Variants in NAXD observed in about 807,000 individuals in gnomAD.
NAXD encodes NAD(P)HX dehydratase, also known as ATP-dependent (S)-NAD(P)H-hydrate dehydratase.
In NAXD, 22 loss-of-function variants were observed where a neutral mutation model predicts 35.8. The ratio of observed to expected loss-of-function variants is 0.62; its 90% CI spans 0.44 to 0.88. NAXD has a LOEUF of 0.88. NAXD is among the 40% of genes least tolerant of loss of function. The pLI, the probability that NAXD is intolerant of heterozygous loss-of-function variation, is 0.00. For missense variants in NAXD, 428 were observed against 437.7 expected, an observed-to-expected ratio of 0.98 and a Z score of 0.20; for synonymous variants, 189 against 177.6, an observed-to-expected ratio of 1.06 and a Z score of -0.51.
In NAXD at chr13:110,622,241, T is replaced by G. The variant is rs1238223167; in HGVS notation, c.72T>G (p.Arg24=). Residue 24 remains arginine (R), a synonymous_variant, in exon 2 of 10, where the codon CGT becomes CGG. Transcript: ENST00000680254. ...TTTTAGAAAGAGCGTTTTCGCTACG[T>G]AAAGCACATTCGATAAAGGATATGG... ...RRVLERAFSL[R]KAHSIKDMEN... is the part of the protein sequence containing the mutation. The G allele has an allele frequency of 2.5e-6, 4 of 1,613,932 alleles. No individual in the cohort carries two copies. Among genetic ancestry groups the G allele is most frequent in the Non-Finnish European group, 3.4e-6 (4 of 1,179,902 alleles).
At position 110,638,852 on chromosome 13, in the gene NAXD, G is replaced by A. The variant is rs1887050311; in HGVS notation, c.*324G>A. 2 of 454,196 alleles carry A rather than the reference G, an allele frequency of 4.4e-6. No homozygotes were observed. The highest frequency in any genetic ancestry group is 3.9e-5 in the South Asian group (2 of 51,534). 28.1% of individuals were successfully genotyped at this position (454,196 alleles called of 1,614,324 possible). A position where few individuals can be genotyped will look rare whatever the true frequency, so the allele number is the denominator to read the frequency against. The stretch of plus-strand genomic sequence containing the variant: ...CTTTAGCAGCTCAACAGAGTTTCTC[G>A]GCCTGCTCCCAGATCGGCGAAGTTT... On this transcript the variant is annotated 3_prime_UTR_variant, in exon 10 of 10. Transcript: ENST00000680254. The surrounding 1 kb of genome is among the most constrained non-coding windows in gnomAD (Gnocchi z 5.4).
At chr13:110,616,674 CAT>C (rs1326295500) in intron 1 of NAXD, among the ~76,000 whole-genome samples, 3 of 152,186 alleles carry the variant, frequency 2.0e-5, no homozygotes, top group African/African-American at 7.2e-5. Context: ...GTGTATCTAA[CAT>C]ATTTTATACA....
intron 1 of NAXD, among the ~76,000 whole-genome samples, chr13:110,621,694 CAAAT>C (rs200943107): frequency 1.8e-3 from 269 of 150,706 alleles, no homozygotes; most frequent in Admixed American, 3.0e-3. Flanking sequence ...GACTCTGTCT[CAAAT>C]AAATAAATAA....
intron 7 of NAXD, among the ~76,000 whole-genome samples, 175 bp downstream of exon 7, chr13:110,634,951 C>T (rs769608476): frequency 4.6e-5 from 7 of 152,196 alleles, no homozygotes; most frequent in Non-Finnish European, 8.8e-5. Flanking sequence ...ATTGGATGAA[C>T]GATGGTGTAG....
intron 1 of NAXD, among the ~76,000 whole-genome samples, chr13:110,618,741 T>G: frequency 7.1e-6 from 1 of 141,556 alleles, no homozygotes; most frequent in East Asian, 2.0e-4. Flanking sequence ...CTTGTCATTA[T>G]TTGAATAACA....
rs759931303 is a variant in NAXD at position 110,634,652 on chromosome 13, C to A, written c.493-20C>A. On this transcript the variant is annotated intron_variant, in intron 6 of 9. Coordinates refer to ENST00000680254, the MANE Select transcript of NAXD (RefSeq NM_001242882.2). ...TCCCGGAAGGCCTGTGCAGTGAGCACGGCTCCTTGTTCTGTGCAGGATGGC... is the reference window on the plus strand; with the variant it reads ...TCCCGGAAGGCCTGTGCAGTGAGCAAGGCTCCTTGTTCTGTGCAGGATGGC... 2.2e-5 allele frequency: 35 copies of A among 1,613,796 alleles called. 2 individuals carry two copies. In the South Asian group the frequency reaches 3.7e-4, roughly 17 times the overall value.
chr13:110,625,431 G>A (rs1479949777), intron 4 of NAXD, among the ~76,000 whole-genome samples, 153 bp downstream of exon 4: 1 of 152,212 alleles, frequency 6.6e-6, no homozygotes, highest in Admixed American at 6.5e-5. Flanking sequence ...GAAGGAGCCC[G>A]TTCTTCTGGG....
rs1886595737 is a variant in NAXD, at chr13:110,628,778, G to A, written c.441+1231G>A. 6.6e-6 allele frequency among the ~76,000 whole-genome samples: 1 copy of A among 152,206 alleles called. No individual in the cohort carries two copies. Among genetic ancestry groups the A allele is most frequent in the Non-Finnish European group, 1.5e-5 (1 of 68,038 alleles). On this transcript the variant is annotated intron_variant, in intron 5 of 9. Coordinates refer to ENST00000680254, the MANE Select transcript of NAXD (RefSeq NM_001242882.2). This position sits in a 1 kb window ranked among gnomAD's most constrained non-coding sequence, Gnocchi z 4.1. ...TCTCAATGGGGAGTCCCATCTGCAG[G>A]CTGCGGGTCTGCGGTGCACGGCTGC...
At chr13:110,616,077 C>T (rs940312956) in intron 1 of NAXD, 11 of 346,068 alleles carry the variant, frequency 3.2e-5, no homozygotes, top group Non-Finnish European at 5.2e-5. Flanking sequence ...GGCCCTGGGG[C>T]GCCGTGGTGC....
At chr13:110,625,801 C>T (rs537791793) in intron 4 of NAXD, among the ~76,000 whole-genome samples, 4 of 152,332 alleles carry the variant, frequency 2.6e-5, no homozygotes, top group East Asian at 1.9e-4. Context: ...CTGGGAGGTG[C>T]GGGAGCAGAG....
intron 5 of NAXD, among the ~76,000 whole-genome samples, chr13:110,633,113 G>GGAGCCC (rs1397732498): frequency 6.6e-6 from 1 of 152,186 alleles, no homozygotes; most frequent in African/African-American, 2.4e-5. Context: ...GGGCCGCACA[G>GGAGCCC]GAGCCCATGG....
rs773854650 is a variant in NAXD at position 110,638,642 on chromosome 13, A to G, written c.*114A>G. On this transcript the variant is annotated 3_prime_UTR_variant, in exon 10 of 10. Coordinates refer to ENST00000680254, the MANE Select transcript of NAXD (RefSeq NM_001242882.2). The surrounding 1 kb of genome is among the most constrained non-coding windows in gnomAD (Gnocchi z 5.4). Reference sequence around the variant, plus strand: ...GCGTACGGTGCTTGCCAGATTTTCAACTTGAGCATAAATTGGTTGCCATTG... The same window carrying G: ...GCGTACGGTGCTTGCCAGATTTTCAGCTTGAGCATAAATTGGTTGCCATTG... 12 of 1,231,654 alleles carry G rather than the reference A, an allele frequency of 9.7e-6. No homozygotes were observed. The East Asian group carries it at 2.8e-4, about 29-fold the overall frequency. 76.3% of individuals were successfully genotyped at this position (1,231,654 alleles called of 1,614,324 possible). A position where few individuals can be genotyped will look rare whatever the true frequency, so the allele number is the denominator to read the frequency against.
intron 3 of NAXD, among the ~76,000 whole-genome samples, chr13:110,624,755 C>T (rs749418259): frequency 2.6e-5 from 4 of 152,364 alleles, no homozygotes; most frequent in Middle Eastern, 3.4e-3. Flanking sequence ...AGCCACTGCA[C>T]CTGGCCTCAA....
rs533399164 is a variant in NAXD, at chr13:110,639,593, G to A, written c.*1065G>A. On this transcript the variant is annotated 3_prime_UTR_variant, in exon 10 of 10. Coordinates refer to ENST00000680254, the MANE Select transcript of NAXD (RefSeq NM_001242882.2). The stretch of plus-strand genomic sequence containing the variant: ...TGTCTTTGTGGATGGTTTTCCTGGA[G>A]CGGCCTGACGTTGACGTGTTCTCTG... 1 of 152,336 alleles carries A rather than the reference G, an allele frequency of 6.6e-6. No homozygotes were observed. Among genetic ancestry groups the A allele is most frequent in the South Asian group, 2.1e-4 (1 of 4,830 alleles). The allele number at this position is 152,336 out of a possible 1,614,324, so 9.4% of individuals were successfully genotyped here. A position where few individuals can be genotyped will look rare whatever the true frequency, so the allele number is the denominator to read the frequency against.
rs373214062 is a variant in NAXD at position 110,619,119 on chromosome 13, C to T, written c.47-3097C>T. On this transcript the variant is annotated intron_variant, in intron 1 of 9. Transcript: ENST00000680254. ...TCGTGGCTGCAGCTTAATTTTGTGT[C>T]AGATCCTTTCCGGTAATGTATAGGT... Among the ~76,000 whole-genome samples the T allele has an allele frequency of 2.8e-4, 42 of 152,346 alleles. 1 individual carries two copies. The Middle Eastern group carries it at 0.027, about 99-fold the overall frequency.
intron 2 of NAXD, among the ~76,000 whole-genome samples, chr13:110,623,434 C>G (rs78772874): frequency 0.012 from 1,885 of 152,292 alleles, 54 homozygotes; most frequent in African/African-American, 0.043. Context: ...CCAGAACAGC[C>G]AGGCGGAAGC....
At chr13:110,615,935 G>A in intron 1 of NAXD, 2 of 508,570 alleles carry the variant, frequency 3.9e-6, no homozygotes, top group Non-Finnish European at 6.2e-6. Flanking sequence ...CGGCTTGGGT[G>A]ATGGGAGCCT....
chr13:110,625,379 C>T, intron 4 of NAXD, 101 bp downstream of exon 4: 2 of 754,384 alleles, frequency 2.7e-6, no homozygotes, highest in Admixed American at 4.2e-5. Context: ...ATTTTCCATC[C>T]TCAGAGTTTC....
chr13:110,624,191 C>T (rs750968612), intron 2 of NAXD, 43 bp from the exon 3 acceptor site: 2 of 1,241,598 alleles, frequency 1.6e-6, no homozygotes, highest in East Asian at 2.3e-5. Flanking sequence ...GGTATGCTTA[C>T]CTTATTCTCA....
Sources: gnomAD v4.1 joint callset for allele counts (sites outside exome capture counted in the v4.1 genomes callset) on GRCh38, gnomAD v4.1.1 for gene constraint, Gnocchi (gnomAD v3.1) non-coding constraint, MANE v1.5 for transcripts, NCBI Gene and HGNC (gene_info 2026-07-23, HGNC 2026-07-21) for gene names.